The following LMTK2 variants were observed in gnomAD, a reference collection of about 807,000 sequenced individuals.
LMTK2 encodes lemur tail kinase 2.
In LMTK2, 37 loss-of-function variants were observed where a neutral mutation model predicts 127.5. That is an observed-to-expected ratio of 0.29 (90% CI 0.22 to 0.38). The LOEUF is 0.38. Ranked by LOEUF, LMTK2 falls within the 10% of genes least tolerant of loss-of-function variation. The probability of loss-of-function intolerance (pLI) is 1.00; values close to 1 mark genes in which losing one functional copy is unlikely to be tolerated. For missense variants in LMTK2, 1,694 were observed against 1,920.3 expected, an observed-to-expected ratio of 0.88 and a Z score of 2.20; for synonymous variants, 819 against 810.1, an observed-to-expected ratio of 1.01 and a Z score of -0.19.
intron 6 of LMTK2, among the ~76,000 whole-genome samples, chr7:98,164,856 G>A (rs1797070497): frequency 1.3e-5 from 2 of 152,244 alleles, no homozygotes; most frequent in Admixed American, 1.3e-4. Context: ...TTATTGGTCA[G>A]CAATTTCTTC....
chr7:98,193,408 C>G lies in LMTK2; in HGVS notation c.2943C>G (p.Asp981Glu). The G allele has an allele frequency of 6.2e-7, 1 of 1,614,176 alleles. No homozygotes were observed. The part of the protein sequence containing the change: ...DSTSQDSLLE[D>E]SLSAPFPASE... ...CCAGTCAGGACAGCCTCCTGGAGGA[C>G]AGCTTGTCAGCACCCTTCCCAGCCT... The change falls in exon 11 of 14, where the codon GAC (aspartate) becomes GAG (glutamate). Residue 981 changes from aspartate (D) to glutamate (E), a missense_variant. Transcript: ENST00000297293. This position sits in a 1 kb window ranked among gnomAD's most constrained non-coding sequence, Gnocchi z 4.1.
intron 7 of LMTK2, 69 bp from the exon 8 acceptor site, chr7:98,184,982 T>A: frequency 9.0e-7 from 1 of 1,108,768 alleles, no homozygotes; most frequent in Non-Finnish European, 1.4e-6. Flanking sequence ...CCCATTTCTG[T>A]GGCATTTCCA....
chr7:98,136,808 A>G (rs1378956758), intron 1 of LMTK2, among the ~76,000 whole-genome samples: 1 of 152,190 alleles, frequency 6.6e-6, no homozygotes, highest in Non-Finnish European at 1.5e-5. Flanking sequence ...CATTCCACAA[A>G]ATAACTGACC....
At chr7:98,174,795 C>T (rs1797252317) in intron 7 of LMTK2, among the ~76,000 whole-genome samples, 1 of 152,128 alleles carries the variant, frequency 6.6e-6, no homozygotes, top group African/African-American at 2.4e-5. Context: ...CTGCAGAGTT[C>T]AATGACAAGG....
intron 7 of LMTK2, among the ~76,000 whole-genome samples, chr7:98,182,741 C>G (rs1230738468): frequency 6.6e-6 from 1 of 152,148 alleles, no homozygotes; most frequent in East Asian, 1.9e-4. Flanking sequence ...GGGCATATCC[C>G]CAAAATGGTT....
At chr7:98,151,542 TC>T in intron 4 of LMTK2, 87 bp downstream of exon 4, 1 of 1,113,884 alleles carries the variant, frequency 9.0e-7, no homozygotes, top group Non-Finnish European at 1.3e-6. Flanking sequence ...TGTGTGGAGT[TC>T]CACGTGCCCT....
At chr7:98,166,566 A>G (rs1797104783) in intron 6 of LMTK2, among the ~76,000 whole-genome samples, 1 of 152,062 alleles carries the variant, frequency 6.6e-6, no homozygotes. Context: ...AAGCTAAGGT[A>G]TATTATTGAG....
intron 1 of LMTK2, chr7:98,126,881 G>A (rs1363789813): frequency 6.6e-6 from 1 of 152,178 alleles, no homozygotes; most frequent in East Asian, 1.9e-4. Context: ...AGCACACAGA[G>A]CGATCTGTTT....
rs758172297 is a variant in LMTK2, at chr7:98,193,536, C to T, written c.3071C>T (p.Pro1024Leu). 1.2e-6 allele frequency: 2 copies of T among 1,614,166 alleles called. No individual in the cohort carries two copies. Among genetic ancestry groups the T allele is most frequent in the South Asian group, 1.1e-5 (1 of 91,084 alleles). Reference sequence around the variant, plus strand: ...CACACTCCCCAGAAACTAGTGCCCCCCGATAAGCCGGCAGACAGTGGCTAC... The same window carrying T: ...CACACTCCCCAGAAACTAGTGCCCCTCGATAAGCCGGCAGACAGTGGCTAC... The part of the protein sequence containing the change: ...GSHTPQKLVP[P>L]DKPADSGYET... Residue 1024 changes from proline (P) to leucine (L), a missense_variant, in exon 11 of 14, where the codon CCC becomes CTC. Coordinates refer to ENST00000297293, the MANE Select transcript of LMTK2 (RefSeq NM_014916.4). This position sits in a 1 kb window ranked among gnomAD's most constrained non-coding sequence, Gnocchi z 4.1.
intron 6 of LMTK2, among the ~76,000 whole-genome samples, chr7:98,167,995 C>T (rs1369226366): frequency 6.6e-6 from 1 of 152,150 alleles, no homozygotes; most frequent in Admixed American, 6.5e-5. Context: ...ACCCGACCAG[C>T]TGTGCTTGGG....
intron 6 of LMTK2, among the ~76,000 whole-genome samples, chr7:98,167,251 C>T (rs752388105): frequency 2.3e-4 from 35 of 152,322 alleles, no homozygotes; most frequent in Admixed American, 2.0e-4. Flanking sequence ...ATGCTGTGTG[C>T]CCAGCACTGT....
At chr7:98,141,955 T>G (rs1305257547) in intron 3 of LMTK2, among the ~76,000 whole-genome samples, 1 of 152,174 alleles carries the variant, frequency 6.6e-6, no homozygotes, top group Non-Finnish European at 1.5e-5. Flanking sequence ...TTTCTAAGCT[T>G]CTTCAGACAG....
chr7:98,176,868 A>T (rs977003310), intron 7 of LMTK2, among the ~76,000 whole-genome samples: 1 of 152,146 alleles, frequency 6.6e-6, no homozygotes, highest in African/African-American at 2.4e-5. Flanking sequence ...TGATTTACTG[A>T]ATGCTTCCCA....
intron 11 of LMTK2, among the ~76,000 whole-genome samples, chr7:98,197,420 C>T (rs913071122): frequency 2.0e-5 from 3 of 152,262 alleles, no homozygotes; most frequent in African/African-American, 7.2e-5. Flanking sequence ...AATCTGCAGC[C>T]TGGCATCGCA....
At chr7:98,145,133 A>T (rs183790501) in intron 3 of LMTK2, among the ~76,000 whole-genome samples, 120 of 152,238 alleles carry the variant, frequency 7.9e-4, no homozygotes, top group Non-Finnish European at 1.5e-3. Context: ...TGGGTATCTA[A>T]TGGTAAATGC....
At chr7:98,130,645 T>C (rs1010558404) in intron 1 of LMTK2, among the ~76,000 whole-genome samples, 1 of 151,976 alleles carries the variant, frequency 6.6e-6, no homozygotes, top group Non-Finnish European at 1.5e-5. Flanking sequence ...TCCTTATATA[T>C]AGGAAGAGGA....
At chr7:98,150,679 A>G (rs1233074033) in intron 3 of LMTK2, among the ~76,000 whole-genome samples, 1 of 152,266 alleles carries the variant, frequency 6.6e-6, no homozygotes, top group Non-Finnish European at 1.5e-5. Context: ...CTGTGACAAA[A>G]GTAAGAATAA....
In LMTK2 at chr7:98,179,979, G is replaced by A. The variant is rs75408127; in HGVS notation, c.792-5072G>A. On this transcript the variant is annotated intron_variant, in intron 7 of 13. Transcript: ENST00000297293. ...ACCTTGCTAGCTTTGTGGCCCTAGC[G>A]AAGTCACTTCAATTCTCTGCCTCAG... is the stretch of plus-strand genomic sequence containing the variant. Among the ~76,000 whole-genome samples the A allele has an allele frequency of 4.6e-4, 70 of 152,310 alleles. No individual in the cohort carries two copies. The East Asian group carries it at 0.011, about 24-fold the overall frequency.
chr7:98,173,278 G>A (rs983644650), intron 7 of LMTK2, among the ~76,000 whole-genome samples: 1 of 151,064 alleles, frequency 6.6e-6, no homozygotes, highest in Non-Finnish European at 1.5e-5. Context: ...TTTGATTTAC[G>A]ATAGTAAACA....
Sources: gnomAD v4.1 joint callset for allele counts (sites outside exome capture counted in the v4.1 genomes callset) on GRCh38, gnomAD v4.1.1 for gene constraint, Gnocchi (gnomAD v3.1) non-coding constraint, MANE v1.5 for transcripts, NCBI Gene and HGNC (gene_info 2026-07-23, HGNC 2026-07-21) for gene names.